Variants in STAT4 observed in about 807,000 individuals in gnomAD.
STAT4 encodes the protein signal transducer and activator of transcription 4.
STAT4 carries 42 observed loss-of-function variants against 110.5 expected under a neutral mutation model. That is an observed-to-expected ratio of 0.38 (90% CI 0.30 to 0.49). The LOEUF is 0.49. STAT4 is among the 20% of genes least tolerant of loss of function. The probability of loss-of-function intolerance (pLI) is 0.95; values close to 1 mark genes in which losing one functional copy is unlikely to be tolerated. For synonymous variants in STAT4, 284 were observed against 302.2 expected, an observed-to-expected ratio of 0.94 and a Z score of 0.63; for missense variants, 632 against 887.9, an observed-to-expected ratio of 0.71 and a Z score of 3.66.
At position 191,120,994 on chromosome 2, in the gene STAT4, G is replaced by A. The variant is rs573783523; in HGVS notation, c.273+25619C>T. Among the ~76,000 whole-genome samples, 245 of 151,770 alleles carry A rather than the reference G, an allele frequency of 1.6e-3. 1 individual carries two copies. The highest frequency in any genetic ancestry group is 5.8e-3 in the African/African-American group (239 of 41,392). On this transcript the variant is annotated intron_variant, in intron 3 of 23. Transcript: ENST00000392320. ...TCAGAGTGAACAGGCAACCTACAGA[G>A]TGGGAGAAAATTTTTGCAATCTACT...
chr2:191,057,311 C>A (rs1696725700), intron 13 of STAT4, among the ~76,000 whole-genome samples: 1 of 152,174 alleles, frequency 6.6e-6, no homozygotes. Flanking sequence ...TAATGACCTC[C>A]AATTCCATCC....
At chr2:191,087,357 A>C (rs576882969) in intron 3 of STAT4, among the ~76,000 whole-genome samples, 1 of 152,310 alleles carries the variant, frequency 6.6e-6, no homozygotes, top group South Asian at 2.1e-4. Context: ...AAAGGAAATT[A>C]AAATATTTTA....
intron 3 of STAT4, among the ~76,000 whole-genome samples, chr2:191,087,476 T>A (rs1697665040): frequency 6.6e-6 from 1 of 152,102 alleles, no homozygotes; most frequent in South Asian, 2.1e-4. Flanking sequence ...CTGTAGAGAA[T>A]CTCCATTAAT....
At chr2:191,084,660 G>C (rs1447915187) in intron 3 of STAT4, among the ~76,000 whole-genome samples, 1 of 152,018 alleles carries the variant, frequency 6.6e-6, no homozygotes, top group Non-Finnish European at 1.5e-5. Flanking sequence ...GTTGTGAAAG[G>C]TTTGAGAAAA....
chr2:191,030,826 A>G lies in STAT4; in HGVS notation c.2220+146T>C, dbSNP rs1695871797. 1.4e-6 allele frequency: 1 copy of G among 689,964 alleles called. No individual in the cohort carries two copies. Among genetic ancestry groups the G allele is most frequent in the African/African-American group, 1.8e-5 (1 of 56,196 alleles). The allele number at this position is 689,964 out of a possible 1,614,324, so 42.7% of individuals were successfully genotyped here. A position where few individuals can be genotyped will look rare whatever the true frequency, so the allele number is the denominator to read the frequency against. ...ATCAGCAACACGCAGGACCATCCAG[A>G]CACCTTTTGTGTTATGCTCATGAAT... On this transcript the variant is annotated intron_variant, in intron 23 of 23. Coordinates refer to ENST00000392320, the MANE Select transcript of STAT4 (RefSeq NM_003151.4). The surrounding 1 kb of genome is among the most constrained non-coding windows in gnomAD (Gnocchi z 4.4).
intron 3 of STAT4, among the ~76,000 whole-genome samples, chr2:191,095,875 G>A (rs987337115): frequency 3.9e-5 from 6 of 151,972 alleles, no homozygotes; most frequent in African/African-American, 9.7e-5. Context: ...TTGCTAGCAC[G>A]ACAAATATAA....
chr2:191,124,719 A>G lies in STAT4; in HGVS notation c.273+21894T>C, dbSNP rs1698832699. Among the ~76,000 whole-genome samples, 3 of 152,102 alleles carry G rather than the reference A, an allele frequency of 2.0e-5. No homozygotes were observed. The South Asian group carries it at 6.2e-4, about 31-fold the overall frequency. ...TGTGCATCAATATCTGTGTCTATCTATGTCAATAACCCAGGATAAAACCCT... is the reference window on the plus strand; with the variant it reads ...TGTGCATCAATATCTGTGTCTATCTGTGTCAATAACCCAGGATAAAACCCT... On this transcript the variant is annotated intron_variant, in intron 3 of 23. Coordinates refer to ENST00000392320, the MANE Select transcript of STAT4 (RefSeq NM_003151.4).
Position 191,030,186 on chromosome 2 carries a change from T to C in STAT4, c.2221-320A>G, listed in dbSNP as rs1695848160. Among the ~76,000 whole-genome samples the C allele has an allele frequency of 6.6e-6, 1 of 152,222 alleles. No individual in the cohort carries two copies. On this transcript the variant is annotated intron_variant, in intron 23 of 23. Coordinates refer to ENST00000392320, the MANE Select transcript of STAT4 (RefSeq NM_003151.4). This position sits in a 1 kb window ranked among gnomAD's most constrained non-coding sequence, Gnocchi z 4.4. ...ACTTGACGATTTAAGGGAACTAACA[T>C]TAGAATAAGCTATCAAAGTAAAGTG...
At chr2:191,054,164 T>A (rs1696608985) in intron 14 of STAT4, among the ~76,000 whole-genome samples, 1 of 132,154 alleles carries the variant, frequency 7.6e-6, no homozygotes, top group Non-Finnish European at 1.6e-5. Context: ...AAAGATACAT[T>A]GCTATGTGAA....
intron 3 of STAT4, among the ~76,000 whole-genome samples, chr2:191,081,171 T>C (rs1163446815): frequency 2.0e-5 from 3 of 152,206 alleles, no homozygotes; most frequent in Non-Finnish European, 4.4e-5. Context: ...GGACATGAAC[T>C]CATCCTTTTT....
At chr2:191,136,327 G>C (rs1699180623) in intron 3 of STAT4, among the ~76,000 whole-genome samples, 1 of 152,206 alleles carries the variant, frequency 6.6e-6, no homozygotes, top group Non-Finnish European at 1.5e-5. Context: ...TGAGAGCTCT[G>C]AGAGCTGGAA....
At chr2:191,047,058 G>C (rs145895235) in intron 14 of STAT4, among the ~76,000 whole-genome samples, 1 of 152,202 alleles carries the variant, frequency 6.6e-6, no homozygotes, top group East Asian at 1.9e-4. Flanking sequence ...TGGCAAAGGT[G>C]ATCAACTTTG....
chr2:191,069,400 G>A (rs1041996509), intron 6 of STAT4, among the ~76,000 whole-genome samples: 5 of 151,934 alleles, frequency 3.3e-5, no homozygotes, highest in Non-Finnish European at 7.4e-5. Context: ...ATTTTTTAGA[G>A]ACCTATGCTG....
intron 3 of STAT4, among the ~76,000 whole-genome samples, chr2:191,103,013 A>G (rs1433434684): frequency 6.6e-6 from 1 of 152,162 alleles, no homozygotes; most frequent in Non-Finnish European, 1.5e-5. Context: ...TTCTCACCAT[A>G]GAATCCTTTC....
In STAT4 at chr2:191,030,770, AC is replaced by A. The variant is rs1479669560; in HGVS notation, c.2220+201del. On this transcript the variant is annotated intron_variant, in intron 23 of 23. Coordinates refer to ENST00000392320, the MANE Select transcript of STAT4 (RefSeq NM_003151.4). This position sits in a 1 kb window ranked among gnomAD's most constrained non-coding sequence, Gnocchi z 4.4. ...GAAACAACGTAAAGCAGTTTAAGTA[AC>A]TGAAGGTGTCTGCTTTCAATACGCA... 8 of 514,204 alleles carry A rather than the reference AC, an allele frequency of 1.6e-5. No individual in the cohort carries two copies. Among genetic ancestry groups the A allele is most frequent in the Non-Finnish European group, 2.5e-5 (7 of 285,514 alleles). The allele number at this position is 514,204 out of a possible 1,614,324, so 31.9% of individuals were successfully genotyped here. A position where few individuals can be genotyped will look rare whatever the true frequency, so the allele number is the denominator to read the frequency against.
In STAT4 at chr2:191,059,756, G is replaced by T. The variant is rs1394295898; in HGVS notation, c.1035-987C>A. Among the ~76,000 whole-genome samples, 1 of 152,184 alleles carries T rather than the reference G, an allele frequency of 6.6e-6. No homozygotes were observed. The highest frequency in any genetic ancestry group is 1.5e-5 in the Non-Finnish European group (1 of 68,012). On this transcript the variant is annotated intron_variant, in intron 10 of 23. Transcript: ENST00000392320. This position sits in a 1 kb window ranked among gnomAD's most constrained non-coding sequence, Gnocchi z 4.7. ...CAAACAAAAGGGTGGGTAGAATGTT[G>T]CAAAGGCTCTTTAAAAGTCCTGTAC...
intron 7 of STAT4, among the ~76,000 whole-genome samples, chr2:191,065,677 T>C (rs923791947): frequency 5.9e-5 from 9 of 152,206 alleles, no homozygotes; most frequent in African/African-American, 2.2e-4. Flanking sequence ...GATTAACTAC[T>C]TGCATACTTA....
chr2:191,103,105 G>A (rs1698187147), intron 3 of STAT4, among the ~76,000 whole-genome samples: 1 of 151,790 alleles, frequency 6.6e-6, no homozygotes, highest in Non-Finnish European at 1.5e-5. Context: ...TTAGTTTTCT[G>A]CTCCTATTTT....
At chr2:191,057,654 A>T (rs1430548427) in intron 13 of STAT4, among the ~76,000 whole-genome samples, 2 of 136,340 alleles carry the variant, frequency 1.5e-5, no homozygotes, top group Non-Finnish European at 3.0e-5. Context: ...GCTGGAGTGC[A>T]CTGGCACGAT....
Sources: gnomAD v4.1 joint callset for allele counts (sites outside exome capture counted in the v4.1 genomes callset) on GRCh38, gnomAD v4.1.1 for gene constraint, Gnocchi (gnomAD v3.1) non-coding constraint, MANE v1.5 for transcripts, NCBI Gene and HGNC (gene_info 2026-07-23, HGNC 2026-07-21) for gene names.